CRYBA2: variants seen among roughly 807,000 people sequenced by gnomAD.
CRYBA2 encodes the protein beta-crystallin A2.
In CRYBA2, 17 loss-of-function variants were observed where a neutral mutation model predicts 18.5. That is an observed-to-expected ratio of 0.92 (90% CI 0.63 to 1.38). The LOEUF (loss-of-function observed/expected upper bound fraction) is 1.38, where lower values mean the gene tolerates loss of function less well. Among genes scored for constraint, CRYBA2 ranks in the 40% most tolerant of loss-of-function variants. The pLI is 0.00. For synonymous variants in CRYBA2, 101 were observed against 106.2 expected, an observed-to-expected ratio of 0.95 and a Z score of 0.30; for missense variants, 271 against 265.0, an observed-to-expected ratio of 1.02 and a Z score of -0.16.
intron 3 of CRYBA2, among the ~76,000 whole-genome samples, 188 bp downstream of exon 3, chr2:218,990,664 G>C (rs1172659336): frequency 1.1e-4 from 16 of 146,316 alleles, no homozygotes; most frequent in Admixed American, 2.8e-4. Context: ...ATTGCCCGCT[G>C]CCCCCCATTC....
rs373545183 is a variant in CRYBA2, at chr2:218,990,341, G to C, written c.505C>G (p.Arg169Gly). The change falls in exon 4 of 4, where the codon CGG becomes GGG. Residue 169 changes from arginine to glycine, a missense_variant. Coordinates refer to ENST00000295728, the MANE Select transcript of CRYBA2 (RefSeq NM_057093.2). Reference protein sequence around the residue: ...RGYQYVLERDRHSGEFCTYGE... With the variant: ...RGYQYVLERDGHSGEFCTYGE... ...TAAGTACAGAACTCTCCGCTGTGCC[G>C]GTCCCGCTCCAACACATACTGGTAG... 8 of 1,613,966 alleles carry C rather than the reference G, an allele frequency of 5.0e-6. No individual in the cohort carries two copies. The Admixed American group carries it at 8.3e-5, about 17-fold the overall frequency.
intron 3 of CRYBA2, 96 bp from the exon 4 acceptor site, chr2:218,990,495 C>T: frequency 2.1e-6 from 3 of 1,458,724 alleles, no homozygotes; most frequent in Non-Finnish European, 2.8e-6. Flanking sequence ...GCTCCCAACC[C>T]CCAGTTCCAA....
chr2:218,993,205 C>T lies in CRYBA2; in HGVS notation c.-29G>A. 1 of 1,561,560 alleles carries T rather than the reference C, an allele frequency of 6.4e-7. No homozygotes were observed. ...GCTGCGGACAGGAAGGGTGGCACCA[C>T]GCGCTCAGCGTCTCAAGAGCCCCGT... On this transcript the variant is annotated 5_prime_UTR_variant, in exon 1 of 4. It adds an upstream start codon to the 5' untranslated region. Transcript: ENST00000295728. This position sits in a 1 kb window ranked among gnomAD's most constrained non-coding sequence, Gnocchi z 7.7.
chr2:218,992,239 C>A lies in CRYBA2; in HGVS notation c.166G>T (p.Val56Leu). The A allele has an allele frequency of 6.2e-7, 1 of 1,613,128 alleles. No homozygotes were observed. The highest frequency in any genetic ancestry group is 8.5e-7 in the Non-Finnish European group (1 of 1,179,812). The change falls in exon 2 of 4, where the codon GTG (valine) becomes TTG (leucine). Residue 56 changes from valine to leucine, a missense_variant. By Grantham distance (32) the Val-to-Leu change is conservative (BLOSUM62 1). Transcript: ENST00000295728. ...RSVKVENGVW[V>L]AFEYPDFQGQ... ...TGGAAGTCGGGGTACTCAAAGGCCA[C>A]CCAACTGGAAAAGGAGAAGAGCTGG... is the stretch of plus-strand genomic sequence containing the variant.
chr2:218,993,312 T>G lies in CRYBA2; in HGVS notation c.-136A>C. The G allele has an allele frequency of 1.2e-6, 1 of 821,762 alleles. No individual in the cohort carries two copies. 50.9% of individuals were successfully genotyped at this position (821,762 alleles called of 1,614,324 possible). On this transcript the variant is annotated 5_prime_UTR_variant, in exon 1 of 4. Transcript: ENST00000295728. This position sits in a 1 kb window ranked among gnomAD's most constrained non-coding sequence, Gnocchi z 7.7. ...GACCCGGCCTAGCTCTGGACCCGGC[T>G]GCCAGGGGCTCGCAGTCTTCCCGCG... is the stretch of plus-strand genomic sequence containing the variant.
intron 2 of CRYBA2, chr2:218,991,340 C>T (rs540877161): frequency 7.9e-5 from 17 of 215,910 alleles, no homozygotes; most frequent in African/African-American, 3.4e-4. Context: ...TCCCATTCAC[C>T]AAGACAGTTC....
Position 218,993,381 on chromosome 2 carries a change from G to C in CRYBA2, c.-205C>G. The C allele has an allele frequency of 1.8e-6, 1 of 558,446 alleles. No homozygotes were observed. The highest frequency in any genetic ancestry group is 3.1e-6 in the Non-Finnish European group (1 of 323,232). The allele number at this position is 558,446 out of a possible 1,614,324, so 34.6% of individuals were successfully genotyped here. ...CCCAGCAGAGGGCATTCACCGGGTG[G>C]GTGAGCGCGGCACGCGAGGGAAATG... On this transcript the variant is annotated 5_prime_UTR_variant, in exon 1 of 4. Coordinates refer to ENST00000295728, the MANE Select transcript of CRYBA2 (RefSeq NM_057093.2). This position sits in a 1 kb window ranked among gnomAD's most constrained non-coding sequence, Gnocchi z 7.7.
Position 218,992,235 on chromosome 2 carries a change from G to T in CRYBA2, c.170C>A (p.Ala57Asp). The change falls in exon 2 of 4, where the codon GCC (alanine) becomes GAC (aspartate). Residue 57 changes from alanine to aspartate, a missense_variant. Coordinates refer to ENST00000295728, the MANE Select transcript of CRYBA2 (RefSeq NM_057093.2). ...TCCCTGGAAGTCGGGGTACTCAAAG[G>T]CCACCCAACTGGAAAAGGAGAAGAG... ...SVKVENGVWV[A>D]FEYPDFQGQQ... is the part of the protein sequence containing the mutation. 6.2e-7 allele frequency: 1 copy of T among 1,613,274 alleles called. No individual in the cohort carries two copies. Among genetic ancestry groups the T allele is most frequent in the South Asian group, 1.1e-5 (1 of 91,050 alleles).
intron 3 of CRYBA2, 39 bp from the exon 4 acceptor site, chr2:218,990,438 G>GCCCCCCCCCCCCCCCCCCGTTTTCCCCC: frequency 6.2e-7 from 1 of 1,606,078 alleles, no homozygotes; most frequent in South Asian, 1.1e-5. Flanking sequence ...AGTAAGCTCT[G>GCCCCCCCCCCCCCCCCCCGTTTTCCCCC]CCCCCACCCC....
At position 218,993,273 on chromosome 2, in the gene CRYBA2, G is replaced by GTCC; in HGVS notation, c.-98_-97insGGA. On this transcript the variant is annotated 5_prime_UTR_variant, in exon 1 of 4. Transcript: ENST00000295728. This position sits in a 1 kb window ranked among gnomAD's most constrained non-coding sequence, Gnocchi z 7.7. ...CTGCCCAACCTGGGTAGCGGATGAA[G>GTCC]AACCCGGGGGCTGGACCCGGCCTAG... The GTCC allele has an allele frequency of 7.7e-7, 1 of 1,292,334 alleles. No individual in the cohort carries two copies. Among genetic ancestry groups the GTCC allele is most frequent in the East Asian group, 2.6e-5 (1 of 38,484 alleles). The allele number at this position is 1,292,334 out of a possible 1,614,324, so 80.1% of individuals were successfully genotyped here.
chr2:218,990,691 T>A (rs1945485788), intron 3 of CRYBA2, among the ~76,000 whole-genome samples, 161 bp downstream of exon 3: 1 of 150,748 alleles, frequency 6.6e-6, no homozygotes, highest in Non-Finnish European at 1.5e-5. Context: ...GACCTCCTCA[T>A]TTCCTCCCTT....
intron 1 of CRYBA2, 21 bp downstream of exon 1, chr2:218,992,995 C>T (rs536870841): frequency 1.3e-6 from 2 of 1,588,132 alleles, no homozygotes; most frequent in South Asian, 1.1e-5. Context: ...CCAGCCCAGC[C>T]GCGGCCAGGC....
At chr2:218,990,767 C>T (rs2106017434) in intron 3 of CRYBA2, 85 bp downstream of exon 3, 1 of 1,526,886 alleles carries the variant, frequency 6.5e-7, no homozygotes, top group Non-Finnish European at 8.9e-7. Context: ...TAGCGCCCTC[C>T]CCACATCACT....
At chr2:218,991,913 C>T (rs1338328288) in intron 2 of CRYBA2, 189 bp downstream of exon 2, 4 of 598,316 alleles carry the variant, frequency 6.7e-6, no homozygotes, top group African/African-American at 3.8e-5. Flanking sequence ...TTCTGGGCTC[C>T]GGGCCTACGC....
intron 3 of CRYBA2, 115 bp downstream of exon 3, chr2:218,990,737 C>T: frequency 7.4e-7 from 1 of 1,359,160 alleles, no homozygotes; most frequent in Non-Finnish European, 1.0e-6. Context: ...CCCTTGCCTC[C>T]AAGTCCCCAA....
chr2:218,991,157 G>T, intron 2 of CRYBA2, 163 bp from the exon 3 acceptor site: 1 of 1,056,388 alleles, frequency 9.5e-7, no homozygotes, highest in Non-Finnish European at 1.3e-6. Context: ...CTGGCAGTCT[G>T]GGAAATGGAT....
rs759116785 is a variant in CRYBA2 at position 218,993,077 on chromosome 2, C to T, written c.100G>A (p.Ala34Thr). Reference protein sequence around the residue: ...GRRCRLLSDCANVCERGGLPR... With the variant: ...GRRCRLLSDCTNVCERGGLPR... Reference sequence around the variant, plus strand: ...AGGCCTCCGCGCTCGCAGACGTTCGCACAGTCGCTTAGCAGCCGACAGCGA... The same window carrying T: ...AGGCCTCCGCGCTCGCAGACGTTCGTACAGTCGCTTAGCAGCCGACAGCGA... Residue 34 changes from alanine to threonine, a missense_variant, in exon 1 of 4, where the codon GCG (alanine) becomes ACG (threonine). By Grantham distance (58) the Ala-to-Thr change is moderately conservative. Transcript: ENST00000295728. The surrounding 1 kb of genome is among the most constrained non-coding windows in gnomAD (Gnocchi z 7.7). The T allele has an allele frequency of 6.2e-7, 1 of 1,611,946 alleles. No individual in the cohort carries two copies. The highest frequency in any genetic ancestry group is 2.2e-5 in the East Asian group (1 of 44,802).
chr2:218,990,945 C>G lies in CRYBA2; in HGVS notation c.353G>C (p.Gly118Ala), dbSNP rs145799903. 8.7e-6 allele frequency: 14 copies of G among 1,614,040 alleles called. No individual in the cohort carries two copies. The highest frequency in any genetic ancestry group is 1.3e-5 in the African/African-American group (1 of 74,908). ...GTCATCAACGAGGTCAAACTTGCAG[C>G]CTTGGAAGTTGTCCCCCTCAAACAG... is the stretch of plus-strand genomic sequence containing the variant. ...VTLFEGDNFQ[G>A]CKFDLVDDYP... Residue 118 changes from glycine to alanine, a missense_variant, in exon 3 of 4, where the codon GGC becomes GCC. Gly to Ala is a moderately conservative substitution (Grantham distance 60, BLOSUM62 0). Coordinates refer to ENST00000295728, the MANE Select transcript of CRYBA2 (RefSeq NM_057093.2).
At chr2:218,992,449 C>T (rs1052591898) in intron 1 of CRYBA2, among the ~76,000 whole-genome samples, 3 of 152,216 alleles carry the variant, frequency 2.0e-5, no homozygotes, top group African/African-American at 7.2e-5. Flanking sequence ...TTGAGGCGCC[C>T]AGGCTTCCCC....
Sources: allele counts gnomAD v4.1 joint callset (sites outside exome capture counted in the v4.1 genomes callset), GRCh38; gene constraint gnomAD v4.1.1; non-coding constraint Gnocchi (gnomAD v3.1); transcripts MANE v1.5; gene names NCBI Gene and HGNC (gene_info 2026-07-23, HGNC 2026-07-21).